Variants in JPH4 observed in about 807,000 individuals in gnomAD.
JPH4 encodes junctophilin 4, also known as junctophilin-4.
Under a neutral mutation model 57.6 loss-of-function variants are expected in JPH4, and 18 were observed. That is an observed-to-expected ratio of 0.31 (90% confidence interval 0.22 to 0.46). The LOEUF is 0.46. JPH4 is among the 20% of genes least tolerant of loss of function. The pLI, the probability that JPH4 is intolerant of heterozygous loss-of-function variation, is 1.00. For synonymous variants in JPH4, 425 were observed against 406.6 expected (o/e 1.05, Z -0.54); for missense variants, 727 against 911.1 (o/e 0.80, Z 2.60).
At position 23,576,443 on chromosome 14, in the gene JPH4, GC is replaced by G; in HGVS notation, c.392del (p.Gly131AlafsTer118). 1 of 1,437,682 alleles carries G rather than the reference GC, an allele frequency of 7.0e-7. No individual in the cohort carries two copies. Among genetic ancestry groups the G allele is most frequent in the Non-Finnish European group, 9.1e-7 (1 of 1,103,964 alleles). The allele number at this position is 1,437,682 out of a possible 1,614,324, so 89.1% of individuals were successfully genotyped here. A position where few individuals can be genotyped will look rare whatever the true frequency, so the allele number is the denominator to read the frequency against. On this transcript the variant is annotated frameshift_variant, in exon 3 of 6. Coordinates refer to ENST00000356300, the MANE Select transcript of JPH4 (RefSeq NM_001146028.2). LOFTEE classifies it high-confidence loss of function. This position sits in a 1 kb window ranked among gnomAD's most constrained non-coding sequence, Gnocchi z 8.0. ...ETYSDGGTYQ[G>X]QWQAGKRHGY... Reference sequence around the variant, plus strand: ...CGTGGCGCTTCCCGGCCTGCCACTGGCCCTGGTAGGTGCCTGCGGGCGGCGG... The same window carrying G: ...CGTGGCGCTTCCCGGCCTGCCACTGGCCTGGTAGGTGCCTGCGGGCGGCGG...
chr14:23,571,866 G>T lies in JPH4; in HGVS notation c.1206C>A (p.Ala402=). ...AVAASSVAEK[A]VEAARMAKLI... ...GTTTGGCCATTCGAGCTGCCTCCAC[G>T]GCCTTCTCAGCGACACTGCTGGCTG... The change falls in exon 4 of 6, where the codon GCC becomes GCA. Residue 402 remains alanine (A), a synonymous_variant. Coordinates refer to ENST00000356300, the MANE Select transcript of JPH4 (RefSeq NM_001146028.2). The surrounding 1 kb of genome is among the most constrained non-coding windows in gnomAD (Gnocchi z 4.6). 1.2e-6 allele frequency: 2 copies of T among 1,612,966 alleles called. No homozygotes were observed. The highest frequency in any genetic ancestry group is 8.5e-7 in the Non-Finnish European group (1 of 1,179,908).
intron 3 of JPH4, chr14:23,572,847 A>C: frequency 1.4e-6 from 1 of 702,350 alleles, no homozygotes; most frequent in Non-Finnish European, 2.6e-6. Context: ...CCTGCTCCTT[A>C]GGTGCAGGCA....
At position 23,569,727 on chromosome 14, in the gene JPH4, C is replaced by T. The variant is rs1293130932; in HGVS notation, c.1804-10G>A. 6.5e-7 allele frequency: 1 copy of T among 1,541,346 alleles called. No individual in the cohort carries two copies. Among genetic ancestry groups the T allele is most frequent in the Non-Finnish European group, 8.8e-7 (1 of 1,139,758 alleles). On this transcript the variant is annotated splice_polypyrimidine_tract_variant and intron_variant, in intron 5 of 5. Transcript: ENST00000356300. The surrounding 1 kb of genome is among the most constrained non-coding windows in gnomAD (Gnocchi z 4.8). ...GGGGGTTGGCAGCTCCCTAGAGAGA[C>T]AGAGGGGGAAGCAGACTCAGTCCCC...
At position 23,576,311 on chromosome 14, in the gene JPH4, C is replaced by A; in HGVS notation, c.525G>T (p.Pro175=). ...CCTCGTCGCCCGGCAAGGGCAGGGG[C>A]GGGGGTGGCGTCGGGGGGTCGCTGT... ...SGHSDPPTPP[P]PLPLPGDEGG... Residue 175 remains proline (P), a synonymous_variant, in exon 3 of 6, where the codon CCG becomes CCT. Coordinates refer to ENST00000356300, the MANE Select transcript of JPH4 (RefSeq NM_001146028.2). This position sits in a 1 kb window ranked among gnomAD's most constrained non-coding sequence, Gnocchi z 8.0. 4 of 1,284,830 alleles carry A rather than the reference C, an allele frequency of 3.1e-6. No homozygotes were observed. Among genetic ancestry groups the A allele is most frequent in the Non-Finnish European group, 3.9e-6 (4 of 1,017,930 alleles). 79.6% of individuals were successfully genotyped at this position (1,284,830 alleles called of 1,614,324 possible).
At position 23,568,685 on chromosome 14, in the gene JPH4, T is replaced by C; in HGVS notation, c.*949A>G. 3 of 985,654 alleles carry C rather than the reference T, an allele frequency of 3.0e-6. No individual in the cohort carries two copies. Among genetic ancestry groups the C allele is most frequent in the Non-Finnish European group, 3.6e-6 (3 of 829,924 alleles). The allele number at this position is 985,654 out of a possible 1,614,324, so 61.1% of individuals were successfully genotyped here. On this transcript the variant is annotated 3_prime_UTR_variant, in exon 6 of 6. Coordinates refer to ENST00000356300, the MANE Select transcript of JPH4 (RefSeq NM_001146028.2). Reference sequence around the variant, plus strand: ...CCTCCTCCCACCACAACTCCCAGAGTTGGGATGTGGGGGCCTTGCTCAAGT... The same window carrying C: ...CCTCCTCCCACCACAACTCCCAGAGCTGGGATGTGGGGGCCTTGCTCAAGT...
In JPH4 at chr14:23,571,167, C is replaced by G; in HGVS notation, c.1564G>C (p.Gly522Arg). The G allele has an allele frequency of 6.2e-7, 1 of 1,614,124 alleles. No homozygotes were observed. ...YEAEDEAGMQ[G>R]PGPRDGSPLL... ...GGGGAACCGTCTCTGGGCCCTGGCC[C>G]TTGCATCCCAGCCTCATCCTCAGCC... is the stretch of plus-strand genomic sequence containing the variant. Residue 522 changes from glycine to arginine, a missense_variant, in exon 5 of 6, where the codon GGG becomes CGG. Coordinates refer to ENST00000356300, the MANE Select transcript of JPH4 (RefSeq NM_001146028.2). This position sits in a 1 kb window ranked among gnomAD's most constrained non-coding sequence, Gnocchi z 4.6.
rs1457930003 is a variant in JPH4, at chr14:23,568,452, A to G, written c.*1182T>C. The G allele has an allele frequency of 2.0e-6, 2 of 985,436 alleles. No homozygotes were observed. Among genetic ancestry groups the G allele is most frequent in the Non-Finnish European group, 2.4e-6 (2 of 829,920 alleles). 61.0% of individuals were successfully genotyped at this position (985,436 alleles called of 1,614,324 possible). A position where few individuals can be genotyped will look rare whatever the true frequency, so the allele number is the denominator to read the frequency against. ...AAACAGGGCTCTCCACCCACCTGTC[A>G]CCCGGGTTTGACTCCCACCTCTGCC... On this transcript the variant is annotated 3_prime_UTR_variant, in exon 6 of 6. Coordinates refer to ENST00000356300, the MANE Select transcript of JPH4 (RefSeq NM_001146028.2).
At chr14:23,570,366 A>AT (rs1889087097) in intron 5 of JPH4, among the ~76,000 whole-genome samples, 4 of 128,432 alleles carry the variant, frequency 3.1e-5, no homozygotes, top group Admixed American at 7.9e-5. Flanking sequence ...TGGGCAAGTT[A>AT]CTTTTTTTTT....
Position 23,568,909 on chromosome 14 carries a change from G to A in JPH4, c.*725C>T, listed in dbSNP as rs929287070. On this transcript the variant is annotated 3_prime_UTR_variant, in exon 6 of 6. Coordinates refer to ENST00000356300, the MANE Select transcript of JPH4 (RefSeq NM_001146028.2). ...TTCCTTTACACGTTGCTCTTGGCAT[G>A]GCATGCCACCAGAGGGGGCTGGAGG... The A allele has an allele frequency of 1.6e-6, 1 of 634,750 alleles. No individual in the cohort carries two copies. The highest frequency in any genetic ancestry group is 2.0e-5 in the African/African-American group (1 of 50,264). The allele number at this position is 634,750 out of a possible 1,614,324, so 39.3% of individuals were successfully genotyped here.
intron 1 of JPH4, 88 bp downstream of exon 1, chr14:23,578,092 G>T (rs1312140983): frequency 4.8e-5 from 7 of 145,804 alleles, no homozygotes; most frequent in Admixed American, 4.1e-4. Context: ...GGGGTTTTTC[G>T]GGGGATGGGG....
At chr14:23,573,589 G>A (rs1267431162) in intron 3 of JPH4, among the ~76,000 whole-genome samples, 1 of 152,158 alleles carries the variant, frequency 6.6e-6, no homozygotes, top group East Asian at 1.9e-4. Flanking sequence ...CTGTGCTCAG[G>A]CATCAGACTC....
In JPH4 at chr14:23,576,390, T is replaced by C; in HGVS notation, c.446A>G (p.Tyr149Cys). 1 of 1,394,474 alleles carries C rather than the reference T, an allele frequency of 7.2e-7. No homozygotes were observed. Among genetic ancestry groups the C allele is most frequent in the Non-Finnish European group, 9.3e-7 (1 of 1,080,194 alleles). 86.4% of individuals were successfully genotyped at this position (1,394,474 alleles called of 1,614,324 possible). The change falls in exon 3 of 6, where the codon TAC becomes TGC. Residue 149 changes from tyrosine to cysteine, a missense_variant. By Grantham distance (194) the Tyr-to-Cys change is radical. This residue lies in a region of JPH4 where 90 missense variants were observed against 88.1 expected (regional missense o/e 1.02). Transcript: ENST00000356300. This position sits in a 1 kb window ranked among gnomAD's most constrained non-coding sequence, Gnocchi z 8.0. ...HGYGVRQSVP[Y>C]HQAALLRSPR... is the part of the protein sequence containing the mutation. ...CGAGCGCAGCAGCGCCGCCTGATGG[T>C]AGGGCACACTCTGGCGTACCCCGTA...
chr14:23,571,345 G>C lies in JPH4; in HGVS notation c.1386C>G (p.Ser462Arg). 6.2e-7 allele frequency: 1 copy of C among 1,600,018 alleles called. No homozygotes were observed. The highest frequency in any genetic ancestry group is 8.5e-7 in the Non-Finnish European group (1 of 1,176,904). The change falls in exon 5 of 6, where the codon AGC becomes AGG. Residue 462 changes from serine (S) to arginine (R), a missense_variant. By Grantham distance (110) the Ser-to-Arg change is moderately radical (BLOSUM62 -1). This residue lies in a region of JPH4 where 293 missense variants were observed against 279.8 expected (regional missense o/e 1.05). Transcript: ENST00000356300. This position sits in a 1 kb window ranked among gnomAD's most constrained non-coding sequence, Gnocchi z 4.6. ...TPSEGSPELP[S>R]SPASSRQPWR... ...AGGGTTGGCGGGAGGAGGCAGGACT[G>C]CTGGGCAGTTCAGGGGATCCCTCTG...
At position 23,568,142 on chromosome 14, in the gene JPH4, C is replaced by T. The variant is rs1399612295; in HGVS notation, c.*1492G>A. On this transcript the variant is annotated 3_prime_UTR_variant, in exon 6 of 6. Transcript: ENST00000356300. ...CACTGTTGTAGTTTAACTTCAATCC[C>T]AAATTCCATGAAATAGAAATCAGAA... 1 of 985,606 alleles carries T rather than the reference C, an allele frequency of 1.0e-6. No individual in the cohort carries two copies. Among genetic ancestry groups the T allele is most frequent in the Admixed American group, 6.2e-5 (1 of 16,246 alleles). 61.1% of individuals were successfully genotyped at this position (985,606 alleles called of 1,614,324 possible).
chr14:23,568,571 A>G lies in JPH4; in HGVS notation c.*1063T>C, dbSNP rs1325570962. The G allele has an allele frequency of 1.0e-6, 1 of 985,722 alleles. No homozygotes were observed. Among genetic ancestry groups the G allele is most frequent in the Non-Finnish European group, 1.2e-6 (1 of 829,956 alleles). 61.1% of individuals were successfully genotyped at this position (985,722 alleles called of 1,614,324 possible). A position where few individuals can be genotyped will look rare whatever the true frequency, so the allele number is the denominator to read the frequency against. Reference sequence around the variant, plus strand: ...ATTCTGATGTAAAGGGGGAAGGGATATAACCCATTTTGGGACTACTAAACT... The same window carrying G: ...ATTCTGATGTAAAGGGGGAAGGGATGTAACCCATTTTGGGACTACTAAACT... On this transcript the variant is annotated 3_prime_UTR_variant, in exon 6 of 6. Transcript: ENST00000356300.
rs748786983 is a variant in JPH4, at chr14:23,575,813, C to G, written c.1023G>C (p.Gly341=). 46 of 1,582,788 alleles carry G rather than the reference C, an allele frequency of 2.9e-5. No homozygotes were observed. In the African/African-American group the frequency reaches 4.3e-4, roughly 15 times the overall value. Residue 341 remains glycine, a synonymous_variant, in exon 3 of 6, where the codon GGG becomes GGC. Transcript: ENST00000356300. The surrounding 1 kb of genome is among the most constrained non-coding windows in gnomAD (Gnocchi z 6.9). ...KYKRNRLVHG[G]RVRSLLPLAL... is the part of the protein sequence containing the mutation. ...CCAGAGGCAGGAGACTGCGGACGCGCCCGCCGTGCACCAGCCGGTTGCGCT... is the reference window on the plus strand; with the variant it reads ...CCAGAGGCAGGAGACTGCGGACGCGGCCGCCGTGCACCAGCCGGTTGCGCT...
In JPH4 at chr14:23,577,718, GC is replaced by G. The variant is rs1889310543; in HGVS notation, c.-171-95del. 1.1e-5 allele frequency: 4 copies of G among 367,540 alleles called. No individual in the cohort carries two copies. The highest frequency in any genetic ancestry group is 1.9e-5 in the Non-Finnish European group (4 of 205,988). The allele number at this position is 367,540 out of a possible 1,614,324, so 22.8% of individuals were successfully genotyped here. On this transcript the variant is annotated intron_variant, in intron 1 of 5. Coordinates refer to ENST00000356300, the MANE Select transcript of JPH4 (RefSeq NM_001146028.2). This position sits in a 1 kb window ranked among gnomAD's most constrained non-coding sequence, Gnocchi z 8.4. ...CCGGTGGCTCTGGGGCATCAGCGCC[GC>G]CCCCCAATCCACCCCCCTCCTTTGG... is the stretch of plus-strand genomic sequence containing the variant.
rs1327001684 is a variant in JPH4 at position 23,576,460 on chromosome 14, C to A, written c.380-4G>T. 2 of 1,409,248 alleles carry A rather than the reference C, an allele frequency of 1.4e-6. No homozygotes were observed. Among genetic ancestry groups the A allele is most frequent in the Non-Finnish European group, 1.8e-6 (2 of 1,089,858 alleles). 87.3% of individuals were successfully genotyped at this position (1,409,248 alleles called of 1,614,324 possible). A position where few individuals can be genotyped will look rare whatever the true frequency, so the allele number is the denominator to read the frequency against. ...TGCCACTGGCCCTGGTAGGTGCCTG[C>A]GGGCGGCGGAGGGGTGGGAGAAAGA... On this transcript the variant is annotated splice_polypyrimidine_tract_variant and splice_region_variant and intron_variant, in intron 2 of 5. Transcript: ENST00000356300. The surrounding 1 kb of genome is among the most constrained non-coding windows in gnomAD (Gnocchi z 8.0).
Position 23,571,488 on chromosome 14 carries a change from G to A in JPH4, c.1271-28C>T. On this transcript the variant is annotated intron_variant, in intron 4 of 5. Coordinates refer to ENST00000356300, the MANE Select transcript of JPH4 (RefSeq NM_001146028.2). This position sits in a 1 kb window ranked among gnomAD's most constrained non-coding sequence, Gnocchi z 4.6. ...GGGTAGGGATAGCTGAGAATCAGAG[G>A]GGCCTAACTGGCCTTGGGCTGGAGT... is the stretch of plus-strand genomic sequence containing the variant. The A allele has an allele frequency of 1.3e-6, 2 of 1,588,256 alleles. No individual in the cohort carries two copies. The highest frequency in any genetic ancestry group is 1.1e-5 in the South Asian group (1 of 89,452).
Sources: gnomAD v4.1 joint callset for allele counts (sites outside exome capture counted in the v4.1 genomes callset) on GRCh38, gnomAD v4.1.1 for gene constraint, gnomAD v4.1.1 regional missense constraint, Gnocchi (gnomAD v3.1) non-coding constraint, MANE v1.5 for transcripts, NCBI Gene and HGNC (gene_info 2026-07-23, HGNC 2026-07-21) for gene names.